ARHGAP22: variants seen among roughly 807,000 people sequenced by gnomAD.
ARHGAP22 encodes the protein Rho GTPase activating protein 22.
A neutral mutation model predicts 59.1 loss-of-function variants in ARHGAP22; 48 were observed. The ratio of observed to expected loss-of-function variants is 0.81; its 90% confidence interval spans 0.64 to 1.03. The LOEUF is 1.03. Among genes scored for constraint, ARHGAP22 ranks in the 50% least tolerant of loss-of-function variants. The pLI, the probability that ARHGAP22 is intolerant of heterozygous loss-of-function variation, is 0.00. For synonymous variants in ARHGAP22, 445 were observed against 416.4 expected, an observed-to-expected ratio of 1.07 and a Z score of -0.84; for missense variants, 1,015 against 958.7, an observed-to-expected ratio of 1.06 and a Z score of -0.78.
chr10:48,497,814 T>G (rs2051095790), intron 3 of ARHGAP22, among the ~76,000 whole-genome samples: 1 of 152,180 alleles, frequency 6.6e-6, no homozygotes, highest in Non-Finnish European at 1.5e-5. Context: ...CCTCTCACTC[T>G]GCTCCATCCC....
chr10:48,592,865 G>C (rs17605170), intron 1 of ARHGAP22, among the ~76,000 whole-genome samples: 71,398 of 152,148 alleles, frequency 0.47, 18,263 homozygotes, highest in Admixed American at 0.61. Flanking sequence ...CTCTTCAAAA[G>C]AGGGCAGCCA....
intron 1 of ARHGAP22, among the ~76,000 whole-genome samples, chr10:48,644,434 C>G (rs901971701): frequency 6.6e-6 from 1 of 152,070 alleles, no homozygotes. Flanking sequence ...CTAATTTGAC[C>G]CAATCAACAT....
chr10:48,595,007 C>G (rs1327315939), intron 1 of ARHGAP22, among the ~76,000 whole-genome samples: 1 of 151,924 alleles, frequency 6.6e-6, no homozygotes, highest in South Asian at 2.1e-4. Context: ...TTTTCAGGAC[C>G]TTTTGAATAG....
At chr10:48,513,909 G>A (rs2053038136) in intron 3 of ARHGAP22, among the ~76,000 whole-genome samples, 1 of 152,096 alleles carries the variant, frequency 6.6e-6, no homozygotes, top group Admixed American at 6.6e-5. Context: ...AAAACATAGT[G>A]TGACAATGAT....
intron 1 of ARHGAP22, among the ~76,000 whole-genome samples, chr10:48,616,317 C>T (rs1230372846): frequency 6.6e-6 from 1 of 152,208 alleles, no homozygotes; most frequent in South Asian, 2.1e-4. Flanking sequence ...CTTTTTGTGA[C>T]ATTCACTTTA....
chr10:48,559,478 T>C (rs2057543984), intron 2 of ARHGAP22, among the ~76,000 whole-genome samples: 1 of 152,206 alleles, frequency 6.6e-6, no homozygotes, highest in Admixed American at 6.5e-5. Flanking sequence ...CCATTTTGTC[T>C]GCATCTAGGA....
At chr10:48,524,745 C>T (rs1452614894) in intron 3 of ARHGAP22, among the ~76,000 whole-genome samples, 2 of 152,090 alleles carry the variant, frequency 1.3e-5, no homozygotes, top group African/African-American at 4.8e-5. Context: ...TCAAACCTGG[C>T]GGGCTACTTA....
At chr10:48,565,485 G>T (rs1334781153) in intron 2 of ARHGAP22, among the ~76,000 whole-genome samples, 1 of 152,216 alleles carries the variant, frequency 6.6e-6, no homozygotes, top group Non-Finnish European at 1.5e-5. Flanking sequence ...TTAGTGCCCA[G>T]TAAGAGTAAG....
chr10:48,581,447 T>A lies in ARHGAP22; in HGVS notation c.234+1506A>T, dbSNP rs545760317. Among the ~76,000 whole-genome samples the A allele has an allele frequency of 5.3e-5, 8 of 152,330 alleles. No individual in the cohort carries two copies. The South Asian group carries it at 1.7e-3, about 32-fold the overall frequency. On this transcript the variant is annotated intron_variant, in intron 2 of 9. Coordinates refer to ENST00000249601, the MANE Select transcript of ARHGAP22 (RefSeq NM_021226.4). The stretch of plus-strand genomic sequence containing the variant: ...GCACAGCTAGCATGCTAGGTCTCAT[T>A]CAGATCTAGCTGACTCCAGAGTTCC...
intron 3 of ARHGAP22, among the ~76,000 whole-genome samples, chr10:48,534,438 G>A (rs56080723): frequency 0.29 from 44,212 of 152,122 alleles, 6,922 homozygotes; most frequent in African/African-American, 0.39. Context: ...GGAGGCCATG[G>A]GGCCAAGAGG....
intron 3 of ARHGAP22, among the ~76,000 whole-genome samples, chr10:48,527,842 T>C (rs2054471757): frequency 6.6e-6 from 1 of 152,132 alleles, no homozygotes; most frequent in Non-Finnish European, 1.5e-5. Flanking sequence ...GGGCCAGAGG[T>C]GGGAGCCTCT....
chr10:48,554,132 A>G (rs1019012203), intron 3 of ARHGAP22, among the ~76,000 whole-genome samples: 2 of 152,232 alleles, frequency 1.3e-5, no homozygotes, highest in African/African-American at 2.4e-5. Context: ...AGGAATACCC[A>G]AGTGAAACCA....
At position 48,450,941 on chromosome 10, in the gene ARHGAP22, C is replaced by T. The variant is rs2045875858; in HGVS notation, c.1188G>A (p.Leu396=). ...AGAGCACCGCCACGGCCGCCCCGTC[C>T]AGGGAAGAGGTCCTGTGCGCGGGCA... ...PGLPAHRTSS[L]DGAAVAVLSR... Residue 396 remains leucine (L), a synonymous_variant, in exon 9 of 10, where the codon CTG becomes CTA. Coordinates refer to ENST00000249601, the MANE Select transcript of ARHGAP22 (RefSeq NM_021226.4). The T allele has an allele frequency of 6.3e-7, 1 of 1,586,182 alleles. No homozygotes were observed. Among genetic ancestry groups the T allele is most frequent in the South Asian group, 1.1e-5 (1 of 87,106 alleles).
intron 8 of ARHGAP22, among the ~76,000 whole-genome samples, chr10:48,452,204 C>T (rs2046041232): frequency 6.6e-6 from 1 of 152,178 alleles, no homozygotes; most frequent in Non-Finnish European, 1.5e-5. Flanking sequence ...AGGACCAGGG[C>T]ATCTATCCAG....
upstream of ARHGAP22, among the ~76,000 whole-genome samples, chr10:48,654,775 TTTC>T (rs2062696486): frequency 2.3e-5 from 1 of 44,026 alleles, no homozygotes; most frequent in Non-Finnish European, 5.2e-5. Flanking sequence ...TGCTGATTAC[TTTC>T]TTTCTTTCTT....
In ARHGAP22 at chr10:48,533,185, T is replaced by G. The variant is rs565109358; in HGVS notation, c.322+22278A>C. Among the ~76,000 whole-genome samples the G allele has an allele frequency of 1.8e-3, 272 of 150,966 alleles. 1 individual carries two copies. Among genetic ancestry groups the G allele is most frequent in the African/African-American group, 4.8e-3 (197 of 41,092 alleles). ...TTGCAGACTCATTGTTCTGTTGTTT[T>G]TTTTTTTTTTTTTAACTAAGTATAT... On this transcript the variant is annotated intron_variant, in intron 3 of 9. Transcript: ENST00000249601.
intron 1 of ARHGAP22, among the ~76,000 whole-genome samples, chr10:48,617,279 A>C (rs1193413993): frequency 1.3e-5 from 2 of 152,040 alleles, no homozygotes; most frequent in African/African-American, 4.8e-5. Context: ...CTTCAGTCTC[A>C]GTGTTAGACA....
upstream of ARHGAP22, among the ~76,000 whole-genome samples, chr10:48,655,008 C>CTTTCTTTCTT (rs1554967984): frequency 3.9e-5 from 3 of 76,570 alleles, no homozygotes; most frequent in African/African-American, 5.3e-5. Flanking sequence ...CTCTTTCTTT[C>CTTTCTTTCTT]TCTTTCTTTC....
intron 1 of ARHGAP22, among the ~76,000 whole-genome samples, chr10:48,585,101 T>C (rs2059350498): frequency 6.6e-6 from 1 of 152,166 alleles, no homozygotes; most frequent in African/African-American, 2.4e-5. Flanking sequence ...GAGGCAGGGC[T>C]TGGAACATGT....
Sources: gnomAD v4.1 joint callset for allele counts (sites outside exome capture counted in the v4.1 genomes callset) on GRCh38, gnomAD v4.1.1 for gene constraint, MANE v1.5 for transcripts, NCBI Gene and HGNC (gene_info 2026-07-23, HGNC 2026-07-21) for gene names.